The following EBF2 variants were observed in gnomAD, a reference collection of about 807,000 sequenced individuals.
EBF2 encodes the protein transcription factor COE2.
In EBF2, 21 loss-of-function variants were observed where a neutral mutation model predicts 72.8. The ratio of observed to expected loss-of-function variants is 0.29; its 90% CI spans 0.20 to 0.42. The LOEUF is 0.42. Among genes scored for constraint, EBF2 ranks in the 10% least tolerant of loss-of-function variants. EBF2 has a pLI of 1.00. For missense variants in EBF2, 637 were observed against 731.2 expected, an observed-to-expected ratio of 0.87 and a Z score of 1.49; for synonymous variants, 299 against 274.2, an observed-to-expected ratio of 1.09 and a Z score of -0.89.
At chr8:25,945,468 C>G (rs1413940047) in intron 6 of EBF2, among the ~76,000 whole-genome samples, 1 of 151,882 alleles carries the variant, frequency 6.6e-6, no homozygotes, top group African/African-American at 2.4e-5. Context: ...TCTTGCATCA[C>G]CTGGTTAGAG....
intron 11 of EBF2, 145 bp from the exon 12 acceptor site, chr8:25,861,519 G>A: frequency 3.9e-6 from 3 of 776,384 alleles, no homozygotes; most frequent in South Asian, 1.8e-5. Context: ...TGGTTTGACA[G>A]GTAGAATACA....
intron 6 of EBF2, among the ~76,000 whole-genome samples, chr8:25,916,312 C>CA (rs1353526985): frequency 2.5e-4 from 38 of 149,406 alleles, no homozygotes; most frequent in East Asian, 3.9e-4. Flanking sequence ...GCAAAAAACC[C>CA]AAAAAAAACA....
At position 25,844,482 on chromosome 8, in the gene EBF2, C is replaced by A; in HGVS notation, c.*127G>T. 1 of 1,068,566 alleles carries A rather than the reference C, an allele frequency of 9.4e-7. No individual in the cohort carries two copies. The highest frequency in any genetic ancestry group is 1.4e-6 in the Non-Finnish European group (1 of 709,476). The allele number at this position is 1,068,566 out of a possible 1,614,324, so 66.2% of individuals were successfully genotyped here. A position where few individuals can be genotyped will look rare whatever the true frequency, so the allele number is the denominator to read the frequency against. ...GACCAAGTAAGATGCTGGCTCCTTGCAGACCCAAGGGTGTCCATCATGTTC... is the reference window on the plus strand; with the variant it reads ...GACCAAGTAAGATGCTGGCTCCTTGAAGACCCAAGGGTGTCCATCATGTTC... On this transcript the variant is annotated 3_prime_UTR_variant, in exon 16 of 16. Transcript: ENST00000520164.
At position 25,874,962 on chromosome 8, in the gene EBF2, A is replaced by AG. The variant is rs769945246; in HGVS notation, c.1009+11792dup. ...CAGCCTCCCAAAGTACTGGAATTTC[A>AG]GGGGGGAACCATGGTGCCTGGCTTC... On this transcript the variant is annotated intron_variant, in intron 10 of 15. Transcript: ENST00000520164. 4.5e-4 allele frequency among the ~76,000 whole-genome samples: 67 copies of AG among 147,934 alleles called. 1 individual carries two copies. Among genetic ancestry groups the AG allele is most frequent in the Middle Eastern group, 3.7e-3 (1 of 272 alleles).
chr8:25,992,313 A>G (rs1253199566), intron 6 of EBF2, among the ~76,000 whole-genome samples: 37 of 145,982 alleles, frequency 2.5e-4, no homozygotes, highest in African/African-American at 8.9e-4. Flanking sequence ...CAGCCTGGGC[A>G]ACAGCGTGAG....
At chr8:26,018,009 G>A (rs1217353293) in intron 6 of EBF2, among the ~76,000 whole-genome samples, 1 of 151,908 alleles carries the variant, frequency 6.6e-6, no homozygotes, top group African/African-American at 2.4e-5. Flanking sequence ...TTAACGATAA[G>A]GCAATTATTT....
At chr8:25,914,254 G>A (rs552558468) in intron 6 of EBF2, among the ~76,000 whole-genome samples, 1 of 152,298 alleles carries the variant, frequency 6.6e-6, no homozygotes, top group Admixed American at 6.5e-5. Context: ...AAATCTTAAC[G>A]GTGGTGTTCC....
At chr8:25,945,113 C>T (rs1803746127) in intron 6 of EBF2, among the ~76,000 whole-genome samples, 1 of 142,390 alleles carries the variant, frequency 7.0e-6, no homozygotes, top group Non-Finnish European at 1.5e-5. Context: ...CCCCAGACTC[C>T]TATGTTCCAA....
chr8:25,907,419 C>CAAAAAAAAAAAAAAAAAA (rs55695734), intron 7 of EBF2, among the ~76,000 whole-genome samples: 1 of 28,874 alleles, frequency 3.5e-5, no homozygotes, highest in Non-Finnish European at 6.4e-5. Context: ...GACCCTGCCT[C>CAAAAAAAAAAAAAAAAAA]AAAAAAAAAA....
At chr8:25,927,806 G>A (rs545858844) in intron 6 of EBF2, among the ~76,000 whole-genome samples, 6 of 152,238 alleles carry the variant, frequency 3.9e-5, no homozygotes, top group South Asian at 2.1e-4. Flanking sequence ...TGTTATTATA[G>A]TGCAGAAATA....
intron 9 of EBF2, among the ~76,000 whole-genome samples, chr8:25,887,631 T>C (rs1021494493): frequency 6.6e-6 from 1 of 152,168 alleles, no homozygotes; most frequent in African/African-American, 2.4e-5. Context: ...TTTTTAACGG[T>C]GGAGTGACAT....
chr8:25,914,267 T>C (rs1389679758), intron 6 of EBF2, among the ~76,000 whole-genome samples: 1 of 152,206 alleles, frequency 6.6e-6, no homozygotes, highest in Non-Finnish European at 1.5e-5. Flanking sequence ...GGTGTTCCAG[T>C]TGTAATCTAG....
intron 6 of EBF2, among the ~76,000 whole-genome samples, chr8:25,960,988 T>G (rs561347106): frequency 6.6e-6 from 1 of 152,192 alleles, no homozygotes; most frequent in African/African-American, 2.4e-5. Flanking sequence ...AGTATGTGTG[T>G]ATTCATAAGT....
intron 8 of EBF2, 58 bp downstream of exon 8, chr8:25,889,694 A>G: frequency 1.4e-6 from 2 of 1,384,952 alleles, no homozygotes; most frequent in South Asian, 2.3e-5. Context: ...TGAAGTTCGA[A>G]CAAGGAAATT....
rs375872908 is a variant in EBF2, at chr8:25,902,040, T to A, written c.633+6434A>T. Among the ~76,000 whole-genome samples the A allele has an allele frequency of 1.8e-4, 27 of 152,350 alleles. 1 individual carries two copies. The South Asian group carries it at 2.1e-3, about 12-fold the overall frequency. Reference sequence around the variant, plus strand: ...TTGGCTGGGTGCATGAATAAATGAATGAGTACCTCTATGTTTTCACTATGA... The same window carrying A: ...TTGGCTGGGTGCATGAATAAATGAAAGAGTACCTCTATGTTTTCACTATGA... On this transcript the variant is annotated intron_variant, in intron 7 of 15. Coordinates refer to ENST00000520164, the MANE Select transcript of EBF2 (RefSeq NM_022659.4).
At chr8:25,896,725 C>T (rs1012921859) in intron 7 of EBF2, among the ~76,000 whole-genome samples, 2 of 152,264 alleles carry the variant, frequency 1.3e-5, no homozygotes, top group African/African-American at 4.8e-5. Flanking sequence ...GCTGCAGTTC[C>T]ATATTGCAAG....
chr8:26,015,865 C>A (rs1004137656), intron 6 of EBF2, among the ~76,000 whole-genome samples: 1 of 152,164 alleles, frequency 6.6e-6, no homozygotes, highest in Non-Finnish European at 1.5e-5. Context: ...AAGCAGATAG[C>A]AGCTCCTTAG....
At chr8:25,949,242 G>A (rs1803818387) in intron 6 of EBF2, among the ~76,000 whole-genome samples, 1 of 152,170 alleles carries the variant, frequency 6.6e-6, no homozygotes, top group South Asian at 2.1e-4. Flanking sequence ...AGAAAGAAGT[G>A]GAGCTACAAT....
intron 13 of EBF2, among the ~76,000 whole-genome samples, chr8:25,860,480 C>A (rs1802192519): frequency 6.6e-6 from 1 of 151,624 alleles, no homozygotes; most frequent in Non-Finnish European, 1.5e-5. Flanking sequence ...ATTGATAATA[C>A]CCAATCCTTT....
Sources: gnomAD v4.1 joint callset for allele counts (sites outside exome capture counted in the v4.1 genomes callset) on GRCh38, gnomAD v4.1.1 for gene constraint, MANE v1.5 for transcripts, NCBI Gene and HGNC (gene_info 2026-07-23, HGNC 2026-07-21) for gene names.